Variants in HSD17B4 observed in about 807,000 individuals in gnomAD.
The protein encoded by HSD17B4 is hydroxysteroid 17-beta dehydrogenase 4, also known as peroxisomal multifunctional enzyme type 2.
A neutral mutation model predicts 101.0 loss-of-function variants in HSD17B4; 70 were observed. The ratio of observed to expected loss-of-function variants is 0.69; its 90% CI spans 0.57 to 0.85. The LOEUF (loss-of-function observed/expected upper bound fraction) is 0.85, where lower values mean the gene tolerates loss of function less well. Ranked by LOEUF, HSD17B4 falls within the 40% of genes least tolerant of loss-of-function variation. HSD17B4 has a pLI of 0.00. For synonymous variants in HSD17B4, 347 were observed against 297.1 expected, an observed-to-expected ratio of 1.17 and a Z score of -1.73; for missense variants, 984 against 892.4, an observed-to-expected ratio of 1.10 and a Z score of -1.31.
chr5:119,530,114 T>C, intron 21 of HSD17B4, 134 bp downstream of exon 21: 1 of 700,438 alleles, frequency 1.4e-6, no homozygotes. Flanking sequence ...GTGAAAAACA[T>C]TAATTCAAAA....
intron 16 of HSD17B4, chr5:119,509,526 T>C (rs562659397): frequency 1.9e-6 from 1 of 515,746 alleles, no homozygotes; most frequent in Non-Finnish European, 3.5e-6. Flanking sequence ...ATGTTTTTCA[T>C]GACATTTTAT....
intron 2 of HSD17B4, chr5:119,464,537 A>G (rs373828917): frequency 8.1e-4 from 123 of 151,814 alleles, no homozygotes; most frequent in African/African-American, 2.9e-3. Context: ...ATTCTGTTCC[A>G]TTGGTCTATG....
chr5:119,479,778 T>C (rs1748946269), intron 8 of HSD17B4, among the ~76,000 whole-genome samples: 1 of 152,136 alleles, frequency 6.6e-6, no homozygotes, highest in African/African-American at 2.4e-5. Context: ...TTTTGGCACT[T>C]ATTAATAAAG....
intron 8 of HSD17B4, among the ~76,000 whole-genome samples, chr5:119,480,448 A>C (rs1472858208): frequency 6.6e-6 from 1 of 151,808 alleles, no homozygotes; most frequent in Non-Finnish European, 1.5e-5. Context: ...CCCACAAGCC[A>C]CAAAAACCAG....
In HSD17B4 at chr5:119,496,278, C is replaced by T. The variant is rs144602828; in HGVS notation, c.869-265C>T. ...TTAAAGACATTGGAAAGCCCAGTGC[C>T]GCCTTAGAATCAGATAACCAGGGAA... is the stretch of plus-strand genomic sequence containing the variant. On this transcript the variant is annotated intron_variant, in intron 11 of 23. Transcript: ENST00000510025. Among the ~76,000 whole-genome samples, 860 of 152,264 alleles carry T rather than the reference C, an allele frequency of 5.6e-3. 8 individuals carry two copies. Among genetic ancestry groups the T allele is most frequent in the African/African-American group, 0.02 (818 of 41,552 alleles).
rs375243780 is a variant in HSD17B4 at position 119,452,537 on chromosome 5, C to T, written c.-39C>T. On this transcript the variant is annotated 5_prime_UTR_variant, in exon 1 of 24. Coordinates refer to ENST00000510025, the MANE Select transcript of HSD17B4 (RefSeq NM_000414.4). ...CTGTCCCGCAGTCGGCGTCCAGCGGCTCTGCTTGTTCGTGTGTGTGTCGTT... is the reference window on the plus strand; with the variant it reads ...CTGTCCCGCAGTCGGCGTCCAGCGGTTCTGCTTGTTCGTGTGTGTGTCGTT... 1.9e-6 allele frequency: 3 copies of T among 1,613,608 alleles called. No homozygotes were observed. The highest frequency in any genetic ancestry group is 2.5e-6 in the Non-Finnish European group (3 of 1,179,996).
At chr5:119,493,451 C>T in intron 10 of HSD17B4, 1 of 225,102 alleles carries the variant, frequency 4.4e-6, no homozygotes, top group South Asian at 6.3e-5. Flanking sequence ...CAGTTATCTT[C>T]ATTTTATAAA....
chr5:119,471,493 A>T, intron 2 of HSD17B4: 1 of 396,696 alleles, frequency 2.5e-6, no homozygotes, highest in Non-Finnish European at 4.4e-6. Flanking sequence ...TTCCACTTTC[A>T]ACTCTCACCC....
chr5:119,516,424 A>G (rs186439683), intron 17 of HSD17B4, among the ~76,000 whole-genome samples: 328 of 152,318 alleles, frequency 2.2e-3, no homozygotes, highest in Non-Finnish European at 3.8e-3. Flanking sequence ...TTCTACGCAC[A>G]GTAAGTAGTG....
rs1754138752 is a variant in HSD17B4, at chr5:119,452,506, C to T, written c.-70C>T. ...TCGTCCCGCCCCCGCCATTCCCCGC[C>T]TCCTCCTGTCCCGCAGTCGGCGTCC... is the stretch of plus-strand genomic sequence containing the variant. On this transcript the variant is annotated 5_prime_UTR_variant, in exon 1 of 24. Coordinates refer to ENST00000510025, the MANE Select transcript of HSD17B4 (RefSeq NM_000414.4). 6.2e-6 allele frequency: 10 copies of T among 1,612,290 alleles called. No individual in the cohort carries two copies. The highest frequency in any genetic ancestry group is 8.5e-6 in the Non-Finnish European group (10 of 1,179,578).
chr5:119,506,366 A>C (rs1013614364), intron 14 of HSD17B4, among the ~76,000 whole-genome samples: 2 of 152,160 alleles, frequency 1.3e-5, no homozygotes, highest in African/African-American at 4.8e-5. Flanking sequence ...TTATGGCTGC[A>C]TAGTATTCCA....
rs544003161 is a variant in HSD17B4 at position 119,526,705 on chromosome 5, T to C, written c.1681-428T>C. ...CTATTTTTTATTATCCAGTAATATATACACAGAGAAAATAATATAAAAAAT... is the reference window on the plus strand; with the variant it reads ...CTATTTTTTATTATCCAGTAATATACACACAGAGAAAATAATATAAAAAAT... On this transcript the variant is annotated intron_variant, in intron 19 of 23. Coordinates refer to ENST00000510025, the MANE Select transcript of HSD17B4 (RefSeq NM_000414.4). 3.9e-4 allele frequency among the ~76,000 whole-genome samples: 60 copies of C among 152,096 alleles called. 1 individual carries two copies. The highest frequency in any genetic ancestry group is 1.4e-3 in the African/African-American group (58 of 41,546).
chr5:119,501,307 C>G (rs1241544940), intron 13 of HSD17B4, among the ~76,000 whole-genome samples: 1 of 150,906 alleles, frequency 6.6e-6, no homozygotes, highest in African/African-American at 2.4e-5. Flanking sequence ...TCCCCTTCTT[C>G]TTCTTCCTTT....
Position 119,453,122 on chromosome 5 carries a change from G to C in HSD17B4, c.58+489G>C, listed in dbSNP as rs561376267. Reference sequence around the variant, plus strand: ...GTTTCCCTCTGTCGTAAGATTTTAAGTTCGTGAGAGGACCTTCTTTAAAGA... The same window carrying C: ...GTTTCCCTCTGTCGTAAGATTTTAACTTCGTGAGAGGACCTTCTTTAAAGA... On this transcript the variant is annotated intron_variant, in intron 1 of 23. Transcript: ENST00000510025. Among the ~76,000 whole-genome samples, 5 of 152,346 alleles carry C rather than the reference G, an allele frequency of 3.3e-5. No homozygotes were observed. In the South Asian group the frequency reaches 6.2e-4, roughly 19 times the overall value.
chr5:119,493,966 C>T lies in HSD17B4; in HGVS notation c.868+20C>T, dbSNP rs1016776266. On this transcript the variant is annotated intron_variant, in intron 11 of 23. Coordinates refer to ENST00000510025, the MANE Select transcript of HSD17B4 (RefSeq NM_000414.4). ...TCCAAGGTAAAGAGAGTCCCCGTCA[C>T]TTAGCCCTGGTTGGGGAATCAGAGG... 2 of 1,612,302 alleles carry T rather than the reference C, an allele frequency of 1.2e-6. No homozygotes were observed. The highest frequency in any genetic ancestry group is 2.7e-5 in the African/African-American group (2 of 74,844).
intron 12 of HSD17B4, among the ~76,000 whole-genome samples, chr5:119,496,903 T>TTC (rs1750699758): frequency 1.3e-5 from 2 of 152,256 alleles, no homozygotes; most frequent in Non-Finnish European, 2.9e-5. Context: ...TTGAGCCACA[T>TTC]GAAGAGATGG....
chr5:119,517,556 C>T (rs1302921950), intron 17 of HSD17B4, among the ~76,000 whole-genome samples: 1 of 152,242 alleles, frequency 6.6e-6, no homozygotes, highest in African/African-American at 2.4e-5. Flanking sequence ...CTGGGTGAAG[C>T]CAGCTGGGCT....
intron 17 of HSD17B4, among the ~76,000 whole-genome samples, chr5:119,524,734 G>C (rs1051709018): frequency 6.6e-6 from 1 of 152,070 alleles, no homozygotes; most frequent in Admixed American, 6.6e-5. Context: ...TGCAGGGTGA[G>C]CTAATGTTCA....
intron 23 of HSD17B4, among the ~76,000 whole-genome samples, chr5:119,538,265 C>G (rs983602119): frequency 6.6e-6 from 1 of 152,062 alleles, no homozygotes; most frequent in Non-Finnish European, 1.5e-5. Flanking sequence ...GTATCCTTTC[C>G]TTCCTTACTT....
Sources: gnomAD v4.1 joint callset for allele counts (sites outside exome capture counted in the v4.1 genomes callset) on GRCh38, gnomAD v4.1.1 for gene constraint, MANE v1.5 for transcripts, NCBI Gene and HGNC (gene_info 2026-07-23, HGNC 2026-07-21) for gene names.